Variants in PLPP1 observed in about 807,000 individuals in gnomAD.
PLPP1 encodes the protein lipid phosphate phosphohydrolase 1a.
A neutral mutation model predicts 31.2 loss-of-function variants in PLPP1; 24 were observed. That is an observed-to-expected ratio of 0.77 (90% CI 0.56 to 1.08). The LOEUF is 1.08. Ranked by LOEUF, PLPP1 falls within the 50% of genes least tolerant of loss-of-function variation. The pLI is 0.00. For missense variants in PLPP1, 319 were observed against 342.7 expected, an observed-to-expected ratio of 0.93 and a Z score of 0.55; for synonymous variants, 146 against 126.3, an observed-to-expected ratio of 1.16 and a Z score of -1.05.
chr5:55,530,035 C>T (rs1740607830), intron 1 of PLPP1: 1 of 602,962 alleles, frequency 1.7e-6, no homozygotes, highest in Admixed American at 2.9e-5. Flanking sequence ...CAATCAAAAA[C>T]TAAAATGACT....
At chr5:55,523,010 G>A (rs780190054) in intron 1 of PLPP1, among the ~76,000 whole-genome samples, 6 of 152,062 alleles carry the variant, frequency 3.9e-5, no homozygotes, top group Non-Finnish European at 5.9e-5. Context: ...GACCCACCAC[G>A]CCAGGCCCAA....
At chr5:55,531,831 T>C (rs1373152089) in intron 1 of PLPP1, among the ~76,000 whole-genome samples, 1 of 152,238 alleles carries the variant, frequency 6.6e-6, no homozygotes, top group African/African-American at 2.4e-5. Flanking sequence ...CTGTTTGCAA[T>C]GGACAGTTGA....
rs193114781 is a variant in PLPP1 at position 55,463,261 on chromosome 5, G to A, written c.491+4608C>T. 1.3e-3 allele frequency among the ~76,000 whole-genome samples: 203 copies of A among 152,192 alleles called. 2 individuals are homozygous for A. In the Middle Eastern group the frequency reaches 0.024, roughly 18 times the overall value. On this transcript the variant is annotated intron_variant, in intron 3 of 5. Coordinates refer to ENST00000307259, the MANE Select transcript of PLPP1 (RefSeq NM_003711.4). ...GTGGGGCTTAAAAACTAGATGACGG[G>A]TTGATAGGTGCAGCAAACCACCATG...
chr5:55,521,651 C>T (rs1470227278), intron 1 of PLPP1, among the ~76,000 whole-genome samples: 1 of 152,192 alleles, frequency 6.6e-6, no homozygotes, highest in Non-Finnish European at 1.5e-5. Flanking sequence ...CTAACAGGCA[C>T]TCAATAACAT....
chr5:55,455,228 G>GA (rs1229284923), intron 3 of PLPP1, among the ~76,000 whole-genome samples: 5 of 151,256 alleles, frequency 3.3e-5, no homozygotes, highest in Non-Finnish European at 4.4e-5. Flanking sequence ...ATAAAAGCCA[G>GA]AAAAAAAGAA....
In PLPP1 at chr5:55,530,360, A is replaced by G. The variant is rs1740616550; in HGVS notation, c.58+4212T>C. 6 of 1,353,198 alleles carry G rather than the reference A, an allele frequency of 4.4e-6. No homozygotes were observed. In the South Asian group the frequency reaches 5.8e-5, roughly 13 times the overall value. The allele number at this position is 1,353,198 out of a possible 1,614,324, so 83.8% of individuals were successfully genotyped here. On this transcript the variant is annotated intron_variant, in intron 1 of 5. Transcript: ENST00000307259. ...CAGGAACTATCTGAAATAAGTGATT[A>G]CTGTTAGAGTGATCCAGTAAACGCT... is the stretch of plus-strand genomic sequence containing the variant.
chr5:55,427,614 G>A (rs996963457), intron 4 of PLPP1, among the ~76,000 whole-genome samples: 2 of 152,112 alleles, frequency 1.3e-5, no homozygotes, highest in African/African-American at 4.8e-5. Context: ...TAAAATCCCT[G>A]TAGCAATATT....
intron 3 of PLPP1, among the ~76,000 whole-genome samples, chr5:55,457,217 T>G (rs6868292): frequency 0.86 from 130,234 of 151,416 alleles, 56,393 homozygotes; most frequent in South Asian, 0.92. Context: ...ATATAGCTCT[T>G]CAATTTCAGT....
At chr5:55,516,470 C>T (rs1753557215) in intron 1 of PLPP1, among the ~76,000 whole-genome samples, 3 of 152,122 alleles carry the variant, frequency 2.0e-5, no homozygotes, top group Non-Finnish European at 2.9e-5. Context: ...TGTATGATTA[C>T]TTGTATCTCT....
Position 55,441,868 on chromosome 5 carries a change from AG to A in PLPP1, c.531del (p.Cys178AlafsTer13). ...FYSGHSSFSM[Y>X]CMLFVALYLQ... is the part of the protein sequence containing the mutation. ...GTACTTACTGCCACAAACAGCATGC[AG>A]TACATGGAAAACGAAGAGTGGCCTG... On this transcript the variant is annotated frameshift_variant, in exon 4 of 6. Transcript: ENST00000307259. LOFTEE classifies it high-confidence loss of function. 6.2e-7 allele frequency: 1 copy of A among 1,613,880 alleles called. No homozygotes were observed. The highest frequency in any genetic ancestry group is 8.5e-7 in the Non-Finnish European group (1 of 1,179,712).
intron 1 of PLPP1, among the ~76,000 whole-genome samples, chr5:55,479,982 T>C (rs1279550154): frequency 6.6e-6 from 1 of 152,224 alleles, no homozygotes; most frequent in Non-Finnish European, 1.5e-5. Flanking sequence ...AAATCCTTGA[T>C]AAACTATTCC....
At chr5:55,526,993 C>T (rs975616431) in intron 1 of PLPP1, among the ~76,000 whole-genome samples, 17 of 150,720 alleles carry the variant, frequency 1.1e-4, no homozygotes, top group Non-Finnish European at 2.5e-4. Context: ...GGATAGGCAC[C>T]GTGTCCTATT....
intron 1 of PLPP1, among the ~76,000 whole-genome samples, chr5:55,495,205 G>A (rs1037159401): frequency 6.6e-6 from 1 of 151,580 alleles, no homozygotes; most frequent in Non-Finnish European, 1.5e-5. Context: ...AGTAGAGAAA[G>A]ATGTGTAAGT....
chr5:55,468,653 A>G (rs1185555253), intron 2 of PLPP1, among the ~76,000 whole-genome samples: 1 of 152,050 alleles, frequency 6.6e-6, no homozygotes, highest in Non-Finnish European at 1.5e-5. Context: ...AATACAAAAA[A>G]TCAGTCAGGC....
At position 55,534,804 on chromosome 5, in the gene PLPP1, C is replaced by G; in HGVS notation, c.-175G>C. On this transcript the variant is annotated 5_prime_UTR_variant, in exon 1 of 6. Coordinates refer to ENST00000307259, the MANE Select transcript of PLPP1 (RefSeq NM_003711.4). Reference sequence around the variant, plus strand: ...TGAGACCGGGCGGCGCTCCCACCGCCAGCAATGGCGCCCGGGGCCCTCCCC... The same window carrying G: ...TGAGACCGGGCGGCGCTCCCACCGCGAGCAATGGCGCCCGGGGCCCTCCCC... The G allele has an allele frequency of 3.3e-6, 2 of 604,746 alleles. No homozygotes were observed. The highest frequency in any genetic ancestry group is 5.4e-6 in the Non-Finnish European group (2 of 368,574). 37.5% of individuals were successfully genotyped at this position (604,746 alleles called of 1,614,324 possible). A position where few individuals can be genotyped will look rare whatever the true frequency, so the allele number is the denominator to read the frequency against.
intron 3 of PLPP1, among the ~76,000 whole-genome samples, chr5:55,443,192 A>AAAAATATATATATATATATAT: frequency 3.9e-5 from 1 of 25,444 alleles, no homozygotes. Flanking sequence ...AAAAAAAAAA[A>AAAAATATATATATATATATAT]ATATATATAT....
At chr5:55,477,028 G>A (rs796895716) in intron 1 of PLPP1, among the ~76,000 whole-genome samples, 11 of 94,106 alleles carry the variant, frequency 1.2e-4, no homozygotes, top group African/African-American at 3.3e-4. Flanking sequence ...GTAATGCTAC[G>A]CCTTAAAAGA....
intron 3 of PLPP1, among the ~76,000 whole-genome samples, chr5:55,462,960 G>C (rs577052568): frequency 6.6e-6 from 1 of 150,420 alleles, no homozygotes; most frequent in Non-Finnish European, 1.5e-5. Context: ...GGGATACAGC[G>C]AGACTCCATC....
chr5:55,477,396 CTT>C lies in PLPP1; in HGVS notation c.59-1948_59-1947del, dbSNP rs3070044. Among the ~76,000 whole-genome samples, 58 of 133,306 alleles carry C rather than the reference CTT, an allele frequency of 4.4e-4. 1 individual carries two copies. The highest frequency in any genetic ancestry group is 8.9e-4 in the Admixed American group (11 of 12,372). 87.5% of individuals were successfully genotyped at this position (133,306 alleles called of 152,430 possible). A position where few individuals can be genotyped will look rare whatever the true frequency, so the allele number is the denominator to read the frequency against. On this transcript the variant is annotated intron_variant, in intron 1 of 5. Transcript: ENST00000307259. ...AGAACCACTACTTCTTTTTTCTTTT[CTT>C]TTTTTTTTTTTTTGAGATGGTGTCT... is the stretch of plus-strand genomic sequence containing the variant.
Sources: allele counts gnomAD v4.1 joint callset (sites outside exome capture counted in the v4.1 genomes callset), GRCh38; gene constraint gnomAD v4.1.1; transcripts MANE v1.5; gene names NCBI Gene and HGNC (gene_info 2026-07-23, HGNC 2026-07-21).